ANKFN1: variants seen among roughly 807,000 people sequenced by gnomAD.
ANKFN1 encodes the protein ankyrin repeat and fibronectin type-III domain-containing protein 1.
Under a neutral mutation model 108.7 loss-of-function variants are expected in ANKFN1, and 74 were observed. The ratio of observed to expected loss-of-function variants is 0.68; its 90% CI spans 0.56 to 0.83. The LOEUF is 0.83. Ranked by LOEUF, ANKFN1 falls within the 40% of genes least tolerant of loss-of-function variation. The probability of loss-of-function intolerance (pLI) is 0.00; values close to 1 mark genes in which losing one functional copy is unlikely to be tolerated. For synonymous variants in ANKFN1, 547 were observed against 516.2 expected (o/e 1.06, Z -0.81); for missense variants, 1,505 against 1,382.3 (o/e 1.09, Z -1.41).
chr17:56,295,314 A>G (rs973688790), intron 3 of ANKFN1, among the ~76,000 whole-genome samples: 5 of 152,194 alleles, frequency 3.3e-5, no homozygotes, highest in African/African-American at 9.6e-5. Context: ...CCTTTAAAAT[A>G]TTGTGGCAGA....
chr17:56,209,568 A>G (rs1914810239), intron 1 of ANKFN1, among the ~76,000 whole-genome samples: 2 of 152,216 alleles, frequency 1.3e-5, no homozygotes, highest in African/African-American at 4.8e-5. Flanking sequence ...TTTAACCATT[A>G]TCTGAAACAG....
intron 1 of ANKFN1, among the ~76,000 whole-genome samples, chr17:56,157,606 A>G (rs1215667231): frequency 6.6e-6 from 1 of 152,208 alleles, no homozygotes; most frequent in Non-Finnish European, 1.5e-5. Flanking sequence ...CCTGGCACTC[A>G]AGAAGCTCAC....
At chr17:56,153,051 C>A (rs536759782), upstream of ANKFN1, among the ~76,000 whole-genome samples, 1 of 152,130 alleles carries the variant, frequency 6.6e-6, no homozygotes, top group African/African-American at 2.4e-5. Flanking sequence ...GATTAGTATT[C>A]AGCATCCGCA....
Position 56,378,602 on chromosome 17 carries a change from C to T in ANKFN1, c.910+3888C>T, listed in dbSNP as rs557096811. ...CCTTCATTACTAGGTTGAAGTGATA[C>T]AATTCCACAAAGCAAAAGTATTTAT... On this transcript the variant is annotated intron_variant, in intron 8 of 20. Transcript: ENST00000682825. Among the ~76,000 whole-genome samples, 5 of 152,230 alleles carry T rather than the reference C, an allele frequency of 3.3e-5. No individual in the cohort carries two copies. The South Asian group carries it at 1.0e-3, about 32-fold the overall frequency.
chr17:56,327,412 G>A (rs1008574452), intron 4 of ANKFN1, among the ~76,000 whole-genome samples: 5 of 152,102 alleles, frequency 3.3e-5, no homozygotes, highest in African/African-American at 1.2e-4. Context: ...ATCACTGGCT[G>A]TTCAGACAAA....
chr17:56,386,311 G>A (rs1169595630), intron 8 of ANKFN1, among the ~76,000 whole-genome samples: 1 of 152,014 alleles, frequency 6.6e-6, no homozygotes, highest in East Asian at 1.9e-4. Context: ...TCACACTCTG[G>A]GGACTGTTGT....
At chr17:56,420,363 C>A (rs2048362447) in intron 8 of ANKFN1, among the ~76,000 whole-genome samples, 2 of 152,112 alleles carry the variant, frequency 1.3e-5, no homozygotes, top group Non-Finnish European at 2.9e-5. Context: ...AGGTCTATGG[C>A]AAATAGTTAA....
At position 56,514,845 on chromosome 17, in the gene ANKFN1, T is replaced by C. The variant is rs1465752627; in HGVS notation, c.*3576T>C. Among the ~76,000 whole-genome samples, 1 of 152,122 alleles carries C rather than the reference T, an allele frequency of 6.6e-6. No individual in the cohort carries two copies. Among genetic ancestry groups the C allele is most frequent in the African/African-American group, 2.4e-5 (1 of 41,420 alleles). ...CAGGAGCCACCTGGCAAACACCTAC[T>C]GTGTCCTTGCCAGGAGATCATGCCA... is the stretch of plus-strand genomic sequence containing the variant. On this transcript the variant is annotated 3_prime_UTR_variant, in exon 21 of 21. Transcript: ENST00000682825.
chr17:56,290,012 AG>A (rs886509064), intron 3 of ANKFN1, among the ~76,000 whole-genome samples: 71 of 152,318 alleles, frequency 4.7e-4, no homozygotes, highest in African/African-American at 1.6e-3. Context: ...TCATGCTGCT[AG>A]TTAGTTGTAG....
In ANKFN1 at chr17:56,457,869, T is replaced by G; in HGVS notation, c.1447T>G (p.Cys483Gly). Residue 483 changes from cysteine to glycine, a missense_variant, in exon 14 of 21, where the codon TGT (cysteine) becomes GGT (glycine). Physicochemically the swap from Cys to Gly is radical, Grantham distance 159 (BLOSUM62 -3). Transcript: ENST00000682825. The stretch of plus-strand genomic sequence containing the variant: ...TGCATGCCTTCTTTTGCAGCTGTCT[T>G]GTATGTGGGAAGATATAAGGTGGCT... ...QDFLWFTKLS[C>G]MWEDIRWLRQ... The G allele has an allele frequency of 6.2e-7, 1 of 1,612,686 alleles. No homozygotes were observed. The highest frequency in any genetic ancestry group is 8.5e-7 in the Non-Finnish European group (1 of 1,179,114).
At chr17:56,107,359 A>G (rs1426893486) in intron 4 of ANKFN1, among the ~76,000 whole-genome samples, 1 of 152,204 alleles carries the variant, frequency 6.6e-6, no homozygotes, top group Non-Finnish European at 1.5e-5. Context: ...CCCCAAAAAA[A>G]GGCCAATCGC....
intron 3 of ANKFN1, among the ~76,000 whole-genome samples, chr17:56,292,841 T>C (rs1181591470): frequency 6.6e-6 from 1 of 152,184 alleles, no homozygotes; most frequent in African/African-American, 2.4e-5. Flanking sequence ...AAGTTTCTCA[T>C]GCTGAAAAAG....
chr17:56,106,250 C>G (rs1905749590), intron 4 of ANKFN1, among the ~76,000 whole-genome samples: 2 of 152,190 alleles, frequency 1.3e-5, no homozygotes, highest in African/African-American at 4.8e-5. Context: ...TTCCAATAAC[C>G]TCTGCCCCAC....
chr17:56,425,451 T>C (rs908000374), intron 8 of ANKFN1, among the ~76,000 whole-genome samples: 4 of 152,242 alleles, frequency 2.6e-5, no homozygotes, highest in African/African-American at 9.6e-5. Context: ...AAAATGCAAA[T>C]CTGATCACAT....
At chr17:56,448,234 A>C (rs1016697764) in intron 10 of ANKFN1, among the ~76,000 whole-genome samples, 10 of 152,172 alleles carry the variant, frequency 6.6e-5, no homozygotes, top group African/African-American at 1.7e-4. Context: ...GGAGGAAAGA[A>C]AATAGAAGGA....
chr17:56,106,972 C>T (rs1463346161), intron 4 of ANKFN1, among the ~76,000 whole-genome samples: 1 of 152,102 alleles, frequency 6.6e-6, no homozygotes, highest in Non-Finnish European at 1.5e-5. Flanking sequence ...TCATACTGTC[C>T]CCAAGAACAT....
chr17:56,052,345 A>G lies in ANKFN1; in HGVS notation c.288+6020A>G, dbSNP rs78090477. On this transcript the variant is annotated intron_variant, in intron 4 of 12. Transcript: ENST00000635860. Reference sequence around the variant, plus strand: ...GAAGCTGGACTCTGATCTGAGTGTGATTTCCAGTGGAAGTGGTGGGGCAGT... The same window carrying G: ...GAAGCTGGACTCTGATCTGAGTGTGGTTTCCAGTGGAAGTGGTGGGGCAGT... Among the ~76,000 whole-genome samples the G allele has an allele frequency of 1.0e-3, 155 of 152,250 alleles. 1 individual carries two copies. The highest frequency in any genetic ancestry group is 3.6e-3 in the African/African-American group (148 of 41,540).
chr17:56,176,518 CCAT>C (rs1198434936), intron 1 of ANKFN1, among the ~76,000 whole-genome samples: 2 of 152,140 alleles, frequency 1.3e-5, no homozygotes, highest in African/African-American at 4.8e-5. Context: ...TAAGAGAACT[CCAT>C]TTATAGCAAA....
intron 11 of ANKFN1, among the ~76,000 whole-genome samples, chr17:56,455,881 G>C (rs1201106358): frequency 6.6e-6 from 1 of 152,150 alleles, no homozygotes; most frequent in Admixed American, 6.5e-5. Context: ...CTGACTTTTT[G>C]AGCAATTCTT....
Sources: allele counts gnomAD v4.1 joint callset (sites outside exome capture counted in the v4.1 genomes callset), GRCh38; gene constraint gnomAD v4.1.1; transcripts MANE v1.5; gene names NCBI Gene and HGNC (gene_info 2026-07-23, HGNC 2026-07-21).